MYT1L: variants seen among roughly 807,000 people sequenced by gnomAD.
MYT1L encodes myelin transcription factor 1 like.
Under a neutral mutation model 126.7 loss-of-function variants are expected in MYT1L, and 12 were observed. That is an observed-to-expected ratio of 0.09 (90% confidence interval 0.06 to 0.15). The LOEUF is 0.15. MYT1L is among the 10% of genes least tolerant of loss of function. The pLI, the probability that MYT1L is intolerant of heterozygous loss-of-function variation, is 1.00. For missense variants in MYT1L, 979 were observed against 1,585.2 expected (o/e 0.62, Z 6.49); for synonymous variants, 541 against 604.2 (o/e 0.90, Z 1.53).
chr2:2,029,651 G>A (rs1031049148), intron 4 of MYT1L, among the ~76,000 whole-genome samples: 2 of 152,124 alleles, frequency 1.3e-5, no homozygotes, highest in Admixed American at 1.3e-4. Context: ...CACACACACA[G>A]TATAGCTTTC....
intron 2 of MYT1L, among the ~76,000 whole-genome samples, chr2:2,269,737 A>T (rs540101184): frequency 6.6e-6 from 1 of 152,224 alleles, no homozygotes; most frequent in Non-Finnish European, 1.5e-5. Flanking sequence ...CTTGCTTAAC[A>T]TCTTGACCCT....
At chr2:2,131,905 C>CTTTTTTT (rs58810405) in intron 3 of MYT1L, among the ~76,000 whole-genome samples, 5 of 111,084 alleles carry the variant, frequency 4.5e-5, no homozygotes, top group Admixed American at 9.5e-5. Flanking sequence ...AGAGTTCATC[C>CTTTTTTT]TTTTTTTTTT....
chr2:1,798,845 G>T (rs1157450213), intron 23 of MYT1L, among the ~76,000 whole-genome samples: 1 of 152,186 alleles, frequency 6.6e-6, no homozygotes, highest in Non-Finnish European at 1.5e-5. Context: ...CATACTCCCC[G>T]GGCAGTGGCC....
At chr2:2,295,577 G>T (rs796581762) in intron 1 of MYT1L, among the ~76,000 whole-genome samples, 4,029 of 118,556 alleles carry the variant, frequency 0.034, 107 homozygotes, top group Non-Finnish European at 0.053. Flanking sequence ...GAGAGAGAGA[G>T]AGAGAGACAG....
chr2:2,145,807 T>A (rs573248040), intron 3 of MYT1L, among the ~76,000 whole-genome samples: 1 of 152,260 alleles, frequency 6.6e-6, no homozygotes, highest in South Asian at 2.1e-4. Context: ...GTTAATTATA[T>A]AAATTAATTT....
chr2:1,841,711 G>C (rs2041750194), intron 19 of MYT1L: 2 of 152,174 alleles, frequency 1.3e-5, no homozygotes, highest in Non-Finnish European at 2.9e-5. Context: ...GTGCATGTCG[G>C]GGGTGAACAT....
At chr2:2,046,154 C>G (rs989374513) in intron 4 of MYT1L, among the ~76,000 whole-genome samples, 12 of 152,212 alleles carry the variant, frequency 7.9e-5, no homozygotes, top group African/African-American at 2.7e-4. Flanking sequence ...TTTTCTCCCC[C>G]CAGGCACCTA....
chr2:2,171,055 A>T (rs2089984617), intron 3 of MYT1L, among the ~76,000 whole-genome samples: 1 of 152,158 alleles, frequency 6.6e-6, no homozygotes, highest in South Asian at 2.1e-4. Flanking sequence ...GGGTCTGCTC[A>T]CCCGGGGCCT....
chr2:2,096,090 T>G (rs1482874005), intron 3 of MYT1L, among the ~76,000 whole-genome samples: 1 of 152,226 alleles, frequency 6.6e-6, no homozygotes, highest in African/African-American at 2.4e-5. Flanking sequence ...TCATTGCACT[T>G]TCTTCATCAC....
rs547546429 is a variant in MYT1L at position 1,966,872 on chromosome 2, A to C, written c.152+12293T>G. On this transcript the variant is annotated intron_variant, in intron 8 of 24. Transcript: ENST00000647738. ...AAAACTGTCTTAAAAAATCAGAGGAAAAATCTAGCAGTGGTTACCAATGCC... is the reference window on the plus strand; with the variant it reads ...AAAACTGTCTTAAAAAATCAGAGGACAAATCTAGCAGTGGTTACCAATGCC... Among the ~76,000 whole-genome samples the C allele has an allele frequency of 1.9e-4, 29 of 152,336 alleles. 1 individual carries two copies. In the East Asian group the frequency reaches 5.6e-3, roughly 29 times the overall value.
chr2:2,190,119 C>G (rs1007751270), intron 2 of MYT1L, among the ~76,000 whole-genome samples: 3 of 152,126 alleles, frequency 2.0e-5, no homozygotes, highest in Non-Finnish European at 4.4e-5. Context: ...ATGTTTAGGG[C>G]CCTGATTTTT....
intron 3 of MYT1L, among the ~76,000 whole-genome samples, chr2:2,158,506 C>T (rs776790273): frequency 2.6e-5 from 4 of 152,104 alleles, no homozygotes; most frequent in Non-Finnish European, 5.9e-5. Context: ...TGACTAAAAG[C>T]AGAAACCTTG....
At chr2:2,075,555 T>A (rs2150270052) in intron 3 of MYT1L, among the ~76,000 whole-genome samples, 1 of 152,338 alleles carries the variant, frequency 6.6e-6, no homozygotes, top group South Asian at 2.1e-4. Context: ...TAAGGCCACA[T>A]GTCATTGTAA....
At chr2:2,118,251 C>T (rs2080493657) in intron 3 of MYT1L, among the ~76,000 whole-genome samples, 1 of 151,974 alleles carries the variant, frequency 6.6e-6, no homozygotes, top group South Asian at 2.1e-4. Context: ...AGGCGGTGTG[C>T]TCCAAACCAT....
intron 3 of MYT1L, among the ~76,000 whole-genome samples, chr2:2,087,173 A>G (rs1318324429): frequency 2.0e-5 from 3 of 152,050 alleles, no homozygotes; most frequent in African/African-American, 7.2e-5. Context: ...TTTCTCTTTC[A>G]GTCTTGGGTG....
intron 19 of MYT1L, chr2:1,842,209 C>T (rs2041823815): frequency 6.6e-6 from 1 of 152,276 alleles, no homozygotes; most frequent in South Asian, 2.1e-4. Context: ...ACGCAGATTC[C>T]CAGGAGGAAG....
At chr2:2,197,691 A>G (rs1366413886) in intron 2 of MYT1L, among the ~76,000 whole-genome samples, 1 of 151,708 alleles carries the variant, frequency 6.6e-6, no homozygotes, top group African/African-American at 2.4e-5. Context: ...GTATACATAC[A>G]TGCACACACA....
chr2:2,093,343 G>A (rs1165808617), intron 3 of MYT1L, among the ~76,000 whole-genome samples: 1 of 150,966 alleles, frequency 6.6e-6, no homozygotes, highest in South Asian at 2.1e-4. Flanking sequence ...TTACTCTTAG[G>A]CTGAAGAATT....
intron 2 of MYT1L, among the ~76,000 whole-genome samples, chr2:2,185,857 TCCCAGAC>T (rs1259819818): frequency 1.0e-4 from 13 of 123,996 alleles, no homozygotes; most frequent in African/African-American, 1.7e-4. Flanking sequence ...CAGCCGGGCC[TCCCAGAC>T]GCCCGCGTTC....
Sources: allele counts gnomAD v4.1 joint callset (sites outside exome capture counted in the v4.1 genomes callset), GRCh38; gene constraint gnomAD v4.1.1; transcripts MANE v1.5; gene names NCBI Gene and HGNC (gene_info 2026-07-23, HGNC 2026-07-21).